Variants in SHROOM2 observed in about 807,000 individuals in gnomAD.
SHROOM2 encodes the protein shroom family member 2.
A neutral mutation model predicts 75.9 loss-of-function variants in SHROOM2; 33 were observed. That is an observed-to-expected ratio of 0.43 (90% CI 0.33 to 0.58). SHROOM2 has a LOEUF of 0.58. SHROOM2 is among the 20% of genes least tolerant of loss of function. SHROOM2 has a pLI of 0.04. For synonymous variants in SHROOM2, 655 were observed against 663.6 expected (o/e 0.99, Z 0.20); for missense variants, 1,434 against 1,461.2 (o/e 0.98, Z 0.30).
intron 5 of SHROOM2, among the ~76,000 whole-genome samples, chrX:9,902,823 G>A (rs970483165): frequency 3.6e-5 from 4 of 111,680 alleles, no homozygotes; most frequent in Admixed American, 9.5e-5. Context: ...TGCTGGCAGT[G>A]TCTTCCTTCT....
chrX:9,810,505 C>T (rs766916787), intron 1 of SHROOM2, among the ~76,000 whole-genome samples: 2 of 110,811 alleles, frequency 1.8e-5, no homozygotes, highest in African/African-American at 6.6e-5. Context: ...TAGGAGGAGC[C>T]CAAAGCACCC....
chrX:9,924,905 C>T (rs143602068), intron 5 of SHROOM2, among the ~76,000 whole-genome samples: 2,043 of 111,119 alleles, frequency 0.018, 52 homozygotes, highest in African/African-American at 0.064. Flanking sequence ...TTCCTCCCAC[C>T]TCGGCCTCCC....
At chrX:9,941,840 G>A (rs935479264) in intron 8 of SHROOM2, among the ~76,000 whole-genome samples, 1 of 108,183 alleles carries the variant, frequency 9.2e-6, no homozygotes, top group Non-Finnish European at 1.9e-5. Context: ...GCGTGGTGGC[G>A]GGCGCCTGTA....
intron 1 of SHROOM2, among the ~76,000 whole-genome samples, chrX:9,820,271 AAC>A (rs2083846888): frequency 9.4e-6 from 1 of 106,796 alleles, no homozygotes; most frequent in Non-Finnish European, 1.9e-5. Flanking sequence ...AGGCTTCTGT[AAC>A]TGGGTCTTCA....
chrX:9,943,055 C>T (rs144043524), intron 8 of SHROOM2, among the ~76,000 whole-genome samples: 2,655 of 108,234 alleles, frequency 0.025, 79 homozygotes, highest in African/African-American at 0.084. Context: ...GGAGAGACCC[C>T]GTCTCTACAA....
intron 1 of SHROOM2, among the ~76,000 whole-genome samples, chrX:9,867,232 G>A (rs1172011971): frequency 9.0e-6 from 1 of 111,272 alleles, no homozygotes; most frequent in Non-Finnish European, 1.9e-5. Context: ...TCTAATCGGG[G>A]CCATAAGAGT....
At chrX:9,883,797 T>C (rs1380739735) in intron 2 of SHROOM2, among the ~76,000 whole-genome samples, 2 of 111,134 alleles carry the variant, frequency 1.8e-5, no homozygotes, top group Non-Finnish European at 3.8e-5. Context: ...GGGGTTCATT[T>C]GATGTTTGCA....
At chrX:9,828,468 T>C (rs780770243) in intron 1 of SHROOM2, among the ~76,000 whole-genome samples, 2 of 111,477 alleles carry the variant, frequency 1.8e-5, no homozygotes, top group Admixed American at 9.5e-5. Flanking sequence ...GTTCTTCTTC[T>C]TATTATTATT....
intron 5 of SHROOM2, among the ~76,000 whole-genome samples, chrX:9,906,860 G>A (rs1227282084): frequency 8.9e-6 from 1 of 112,829 alleles, no homozygotes; most frequent in African/African-American, 3.2e-5. Flanking sequence ...GATTGACAAA[G>A]TTTGCGGAAG....
chrX:9,946,949 C>A lies in SHROOM2; in HGVS notation c.*12C>A. On this transcript the variant is annotated 3_prime_UTR_variant, in exon 10 of 10. Transcript: ENST00000380913. ...AAAGGGGCAAATAAGAGACCAGTCCCCGGTGGAGGAGGGGCACGGGGCCTC... is the reference window on the plus strand; with the variant it reads ...AAAGGGGCAAATAAGAGACCAGTCCACGGTGGAGGAGGGGCACGGGGCCTC... 1 of 1,181,640 alleles carries A rather than the reference C, an allele frequency of 8.5e-7. No individual in the cohort carries two copies. The highest frequency in any genetic ancestry group is 1.1e-6 in the Non-Finnish European group (1 of 878,997).
At chrX:9,921,456 CCT>C (rs1455692558) in intron 5 of SHROOM2, among the ~76,000 whole-genome samples, 2 of 99,800 alleles carry the variant, frequency 2.0e-5, no homozygotes, top group East Asian at 6.3e-4. Flanking sequence ...CCCTGTCAAC[CCT>C]CTTTTTTTTT....
chrX:9,925,358 G>A (rs1309061198), intron 5 of SHROOM2, among the ~76,000 whole-genome samples: 2 of 112,848 alleles, frequency 1.8e-5, no homozygotes, highest in African/African-American at 6.4e-5. Context: ...GCCTGGCAGC[G>A]TCTGATACAC....
chrX:9,884,133 C>T (rs903966724), intron 2 of SHROOM2, among the ~76,000 whole-genome samples: 4 of 111,479 alleles, frequency 3.6e-5, no homozygotes, highest in African/African-American at 1.3e-4. Context: ...CGCCCCCCAT[C>T]GCAGTTTCCA....
At chrX:9,917,216 A>G (rs1274198256) in intron 5 of SHROOM2, among the ~76,000 whole-genome samples, 1 of 111,933 alleles carries the variant, frequency 8.9e-6, no homozygotes. Context: ...TTGGAAGCAC[A>G]ACCATAGGAC....
In SHROOM2 at chrX:9,948,873, C is replaced by T. The variant is rs1389004551; in HGVS notation, c.*1936C>T. 2 of 115,625 alleles carry T rather than the reference C, an allele frequency of 1.7e-5. No homozygotes were observed. Among genetic ancestry groups the T allele is most frequent in the Admixed American group, 8.9e-5 (1 of 11,227 alleles). The allele number at this position is 115,625 out of a possible 1,213,427, so 9.5% of individuals were successfully genotyped here. ...CTGTGCACTTACCCCCATCTTTCTC[C>T]CTCGGGGAGACGACCCAAGGAATTT... is the stretch of plus-strand genomic sequence containing the variant. On this transcript the variant is annotated 3_prime_UTR_variant, in exon 10 of 10. Coordinates refer to ENST00000380913, the MANE Select transcript of SHROOM2 (RefSeq NM_001649.4).
In SHROOM2 at chrX:9,896,353, G is replaced by C. The variant is rs1175875584; in HGVS notation, c.2445G>C (p.Lys815Asn). 3.3e-6 allele frequency: 4 copies of C among 1,211,341 alleles called. No homozygotes were observed. In the African/African-American group the frequency reaches 6.9e-5, roughly 21 times the overall value. ...CTGTTCCCCAGAGGCCTGCCCAGAA[G>C]CAAGCTCTTCACGGAATCCCGAGAG... ...SKPVPQRPAQ[K>N]QALHGIPRDK... is the part of the protein sequence containing the mutation. Residue 815 changes from lysine to asparagine, a missense_variant, in exon 4 of 10, where the codon AAG (lysine) becomes AAC (asparagine). Physicochemically the swap from Lys to Asn is moderately conservative, Grantham distance 94 (BLOSUM62 0). Around this residue, in one of 3 missense-constraint regions of SHROOM2, gnomAD observed 1,340 missense variants for 1,338.3 expected, o/e 1.00. Coordinates refer to ENST00000380913, the MANE Select transcript of SHROOM2 (RefSeq NM_001649.4).
rs377633199 is a variant in SHROOM2, at chrX:9,895,183, C to A, written c.1275C>A (p.Ser425Arg). ...TGCGCTTCCCTCAGTCTCCTCATAG[C>A]GGCCGACACCCTCCCCTATACAGCG... is the stretch of plus-strand genomic sequence containing the variant. Reference protein sequence around the residue: ...SDVRFPQSPHSGRHPPLYSDH... With the variant: ...SDVRFPQSPHRGRHPPLYSDH... Residue 425 changes from serine to arginine, a missense_variant, in exon 4 of 10, where the codon AGC (serine) becomes AGA (arginine). Around this residue, in one of 3 missense-constraint regions of SHROOM2, gnomAD observed 1,340 missense variants for 1,338.3 expected, o/e 1.00. Coordinates refer to ENST00000380913, the MANE Select transcript of SHROOM2 (RefSeq NM_001649.4). The A allele has an allele frequency of 9.9e-6, 12 of 1,210,218 alleles. No individual in the cohort carries two copies. In the African/African-American group the frequency reaches 2.1e-4, roughly 21 times the overall value.
At chrX:9,814,802 C>T (rs2083810190) in intron 1 of SHROOM2, among the ~76,000 whole-genome samples, 1 of 111,965 alleles carries the variant, frequency 8.9e-6, no homozygotes, top group South Asian at 3.7e-4. Flanking sequence ...GTCCCCATTC[C>T]AAGTTGCAGG....
At position 9,872,982 on chromosome X, in the gene SHROOM2, G is replaced by A. The variant is rs148404205; in HGVS notation, c.166-670G>A. Among the ~76,000 whole-genome samples the A allele has an allele frequency of 9.7e-3, 1,096 of 112,535 alleles. 14 individuals carry two copies. The highest frequency in any genetic ancestry group is 0.033 in the African/African-American group (1,033 of 30,953). On this transcript the variant is annotated intron_variant, in intron 1 of 9. Transcript: ENST00000380913. ...ATGAAGTACTGCTACATGCTACAACGTAGATAAACTTAGAAAGCATCGTGC... is the reference window on the plus strand; with the variant it reads ...ATGAAGTACTGCTACATGCTACAACATAGATAAACTTAGAAAGCATCGTGC...
Sources: allele counts gnomAD v4.1 joint callset (sites outside exome capture counted in the v4.1 genomes callset), GRCh38; gene constraint gnomAD v4.1.1; regional missense constraint gnomAD v4.1.1; transcripts MANE v1.5; gene names NCBI Gene and HGNC (gene_info 2026-07-23, HGNC 2026-07-21).